The following STIM1 variants were observed in gnomAD, a reference collection of about 807,000 sequenced individuals.
STIM1 encodes stromal interaction molecule 1.
A neutral mutation model predicts 74.7 loss-of-function variants in STIM1; 25 were observed. That is an observed-to-expected ratio of 0.33 (90% CI 0.24 to 0.47). The LOEUF (loss-of-function observed/expected upper bound fraction) is 0.47. Among genes scored for constraint, STIM1 ranks in the 20% least tolerant of loss-of-function variants. The probability of loss-of-function intolerance (pLI) is 1.00; values close to 1 mark genes in which losing one functional copy is unlikely to be tolerated. For missense variants in STIM1, 728 were observed against 920.8 expected (o/e 0.79, Z 2.71); for synonymous variants, 328 against 348.8 (o/e 0.94, Z 0.66).
intron 11 of STIM1, chr11:4,086,055 A>G (rs910513238): frequency 4.1e-5 from 7 of 171,130 alleles, no homozygotes; most frequent in Admixed American, 2.9e-4. Context: ...TCATTTAATT[A>G]TTAATAATGA....
At position 4,013,690 on chromosome 11, in the gene STIM1, C is replaced by CTTTTTTT. The variant is rs1169600270; in HGVS notation, c.271-10157_271-10151dup. Among the ~76,000 whole-genome samples, 62 of 51,926 alleles carry CTTTTTTT rather than the reference C, an allele frequency of 1.2e-3. 7 individuals carry two copies. The highest frequency in any genetic ancestry group is 1.5e-3 in the African/African-American group (16 of 10,518). 34.1% of individuals were successfully genotyped at this position (51,926 alleles called of 152,430 possible). The stretch of plus-strand genomic sequence containing the variant: ...AACCAGCTCCTGGATTCATTGATTT[C>CTTTTTTT]TTTTTTTTTTTTTTTTTTTTTTTTT... On this transcript the variant is annotated intron_variant, in intron 2 of 12. Coordinates refer to ENST00000526596, the MANE Select transcript of STIM1 (RefSeq NM_001382567.1).
At chr11:3,889,142 A>G (rs963581624) in intron 1 of STIM1, among the ~76,000 whole-genome samples, 2 of 148,386 alleles carry the variant, frequency 1.3e-5, no homozygotes, top group Admixed American at 1.4e-4. Context: ...TGGCAACAGC[A>G]GTCATCATAC....
At chr11:4,079,787 T>C (rs2094455807) in intron 7 of STIM1, among the ~76,000 whole-genome samples, 1 of 152,210 alleles carries the variant, frequency 6.6e-6, no homozygotes, top group South Asian at 2.1e-4. Context: ...AACACTTTAT[T>C]TAAAACATAT....
intron 2 of STIM1, among the ~76,000 whole-genome samples, chr11:4,021,611 G>A (rs2093956648): frequency 6.6e-6 from 1 of 152,146 alleles, no homozygotes. Flanking sequence ...AAAGTCAGAT[G>A]GTGTGATTGC....
At chr11:4,043,062 G>A (rs998385671) in intron 3 of STIM1, among the ~76,000 whole-genome samples, 8 of 152,162 alleles carry the variant, frequency 5.3e-5, no homozygotes, top group African/African-American at 1.9e-4. Context: ...GGTTCATAAT[G>A]GTTAAGTGAT....
At chr11:3,966,880 C>T (rs909658977) in intron 1 of STIM1, among the ~76,000 whole-genome samples, 15 of 152,130 alleles carry the variant, frequency 9.9e-5, no homozygotes, top group African/African-American at 3.1e-4. Context: ...GCTACATGGA[C>T]ATGTAATGGT....
At chr11:3,949,169 C>T (rs780954361) in intron 1 of STIM1, among the ~76,000 whole-genome samples, 15 of 152,066 alleles carry the variant, frequency 9.9e-5, no homozygotes, top group Admixed American at 5.9e-4. Flanking sequence ...AATCAAACCC[C>T]GGGGGTCAGT....
intron 4 of STIM1, among the ~76,000 whole-genome samples, chr11:4,057,832 T>C (rs575031570): frequency 4.4e-4 from 65 of 147,604 alleles, no homozygotes; most frequent in Non-Finnish European, 7.4e-4. Context: ...ATCGCGCCAC[T>C]GCACTCCAGC....
chr11:3,919,981 G>A (rs1291848154), intron 1 of STIM1, among the ~76,000 whole-genome samples: 2 of 152,232 alleles, frequency 1.3e-5, no homozygotes, highest in African/African-American at 4.8e-5. Flanking sequence ...AGGAGGCTAA[G>A]GTGAGAGGAT....
intron 1 of STIM1, among the ~76,000 whole-genome samples, chr11:3,925,653 A>G (rs1379306275): frequency 6.6e-6 from 1 of 152,216 alleles, no homozygotes; most frequent in Non-Finnish European, 1.5e-5. Flanking sequence ...TTATTTTATC[A>G]TTATTTAATA....
chr11:4,028,289 C>G (rs1392830971), intron 3 of STIM1, among the ~76,000 whole-genome samples: 1 of 151,874 alleles, frequency 6.6e-6, no homozygotes, highest in Non-Finnish European at 1.5e-5. Context: ...ACCATGTTGG[C>G]TAGGCTGGTC....
At chr11:3,999,896 C>T (rs940431924) in intron 2 of STIM1, among the ~76,000 whole-genome samples, 5 of 152,180 alleles carry the variant, frequency 3.3e-5, no homozygotes, top group African/African-American at 4.8e-5. Flanking sequence ...CTGCACTTTT[C>T]CGACGGGCTT....
At chr11:3,898,135 G>A (rs1189743344) in intron 1 of STIM1, among the ~76,000 whole-genome samples, 1 of 152,014 alleles carries the variant, frequency 6.6e-6, no homozygotes, top group East Asian at 1.9e-4. Context: ...CACCAACAGT[G>A]TAAGAGTGTT....
chr11:3,855,371 G>T (rs1487223569), upstream of STIM1: 1 of 151,964 alleles, frequency 6.6e-6, no homozygotes, highest in African/African-American at 2.4e-5. Flanking sequence ...GTAACTGCGG[G>T]TCAGGGACCC....
intron 5 of STIM1, among the ~76,000 whole-genome samples, chr11:4,068,277 A>G (rs1362332484): frequency 6.6e-6 from 1 of 152,224 alleles, no homozygotes; most frequent in Non-Finnish European, 1.5e-5. Context: ...AAACCAAATG[A>G]AATAACTAGG....
intron 2 of STIM1, among the ~76,000 whole-genome samples, chr11:4,003,971 G>T (rs1444023618): frequency 2.0e-5 from 3 of 152,190 alleles, no homozygotes; most frequent in Non-Finnish European, 4.4e-5. Flanking sequence ...GCCAAATCAT[G>T]AGTGAACTCC....
rs183955808 is a variant in STIM1, at chr11:4,020,079, A to G, written c.271-3794A>G. On this transcript the variant is annotated intron_variant, in intron 2 of 12. Transcript: ENST00000526596. ...TTGTGCCTGGCTTATTTCACTTAGC[A>G]TAATGTCCTCGAGGCACATCCATGT... Among the ~76,000 whole-genome samples the G allele has an allele frequency of 1.9e-3, 287 of 152,338 alleles. 1 individual carries two copies. The highest frequency in any genetic ancestry group is 3.4e-3 in the Middle Eastern group (1 of 294).
At chr11:4,057,076 A>C (rs2094295394) in intron 4 of STIM1, among the ~76,000 whole-genome samples, 1 of 152,130 alleles carries the variant, frequency 6.6e-6, no homozygotes, top group South Asian at 2.1e-4. Context: ...GAGGACAAAG[A>C]GATGTATTAG....
At chr11:3,891,986 G>A (rs900282963) in intron 1 of STIM1, among the ~76,000 whole-genome samples, 8 of 152,158 alleles carry the variant, frequency 5.3e-5, no homozygotes, top group African/African-American at 1.4e-4. Context: ...TTGGCCTGAG[G>A]GCCTCAGTTT....
Sources: gnomAD v4.1 joint callset for allele counts (sites outside exome capture counted in the v4.1 genomes callset) on GRCh38, gnomAD v4.1.1 for gene constraint, MANE v1.5 for transcripts, NCBI Gene and HGNC (gene_info 2026-07-23, HGNC 2026-07-21) for gene names.